Variants in HMOX2 observed in about 807,000 individuals in gnomAD.
The protein encoded by HMOX2 is heme oxygenase (decycling) 2.
In HMOX2, 30 loss-of-function variants were observed where a neutral mutation model predicts 33.7. The ratio of observed to expected loss-of-function variants is 0.89; its 90% CI spans 0.67 to 1.21. HMOX2 has a LOEUF of 1.21. HMOX2 is among the 50% of genes most tolerant of loss of function. The probability of loss-of-function intolerance (pLI) is 0.00; values close to 1 mark genes in which losing one functional copy is unlikely to be tolerated. For missense variants in HMOX2, 403 were observed against 399.1 expected, an observed-to-expected ratio of 1.01 and a Z score of -0.08; for synonymous variants, 155 against 155.0, an observed-to-expected ratio of 1.00 and a Z score of 0.00.
chr16:4,492,345 A>T (rs2058325433), intron 1 of HMOX2, among the ~76,000 whole-genome samples: 1 of 151,920 alleles, frequency 6.6e-6, no homozygotes, highest in Admixed American at 6.6e-5. Flanking sequence ...AAAATTAAAT[A>T]AATAAATAAA....
At chr16:4,482,729 T>G (rs1049936207) in intron 1 of HMOX2, among the ~76,000 whole-genome samples, 2 of 152,156 alleles carry the variant, frequency 1.3e-5, no homozygotes, top group Admixed American at 1.3e-4. Flanking sequence ...CTAAAGGATA[T>G]TAAGAAGGAT....
chr16:4,494,387 C>T (rs927024868), intron 1 of HMOX2, among the ~76,000 whole-genome samples: 2 of 151,578 alleles, frequency 1.3e-5, no homozygotes, highest in African/African-American at 4.8e-5. Flanking sequence ...GCATGGTGAT[C>T]TGTTTTCTCT....
chr16:4,484,123 C>T (rs994182892), intron 1 of HMOX2, among the ~76,000 whole-genome samples: 7 of 151,680 alleles, frequency 4.6e-5, no homozygotes, highest in Non-Finnish European at 7.4e-5. Context: ...TACAGGCTCC[C>T]GCCACCATGC....
intron 1 of HMOX2, among the ~76,000 whole-genome samples, chr16:4,487,391 C>T (rs767045067): frequency 1.3e-5 from 2 of 151,924 alleles, no homozygotes; most frequent in Non-Finnish European, 2.9e-5. Context: ...ATTAGCCAGG[C>T]GTAGCCCAGC....
At position 4,483,077 on chromosome 16, in the gene HMOX2, G is replaced by C. The variant is rs556807665; in HGVS notation, c.-42+6590G>C. On this transcript the variant is annotated intron_variant, in intron 1 of 5. Transcript: ENST00000570646. ...CAGATGGAAGAGATGTATAGGGTGAGGCATGTAGGAAGAGGCATGAAGCTT... is the reference window on the plus strand; with the variant it reads ...CAGATGGAAGAGATGTATAGGGTGACGCATGTAGGAAGAGGCATGAAGCTT... Among the ~76,000 whole-genome samples the C allele has an allele frequency of 1.7e-4, 26 of 152,106 alleles. 1 individual carries two copies. The highest frequency in any genetic ancestry group is 8.5e-4 in the Admixed American group (13 of 15,244).
chr16:4,494,858 G>C (rs772397793), intron 1 of HMOX2, among the ~76,000 whole-genome samples: 2 of 151,842 alleles, frequency 1.3e-5, no homozygotes, highest in Non-Finnish European at 2.9e-5. Context: ...CAGCCTGCGT[G>C]AAAAAGTGAG....
At chr16:4,500,010 G>A (rs2058518641) in intron 1 of HMOX2, among the ~76,000 whole-genome samples, 1 of 152,176 alleles carries the variant, frequency 6.6e-6, no homozygotes, top group African/African-American at 2.4e-5. Context: ...CTGTGTATTT[G>A]CAACAGCTGT....
chr16:4,501,106 G>A (rs534093043), intron 1 of HMOX2, among the ~76,000 whole-genome samples: 17 of 152,170 alleles, frequency 1.1e-4, no homozygotes, highest in African/African-American at 3.1e-4. Flanking sequence ...GGTTTGCTTG[G>A]TCCAATTCCT....
In HMOX2 at chr16:4,492,205, G is replaced by A. The variant is rs182712038; in HGVS notation, c.-41-13279G>A. On this transcript the variant is annotated intron_variant, in intron 1 of 5. Transcript: ENST00000570646. Reference sequence around the variant, plus strand: ...CTTTTTAAAATTAGCATAGTGGTGCGCACATGTAGTCCTAGCTACTTGGAA... The same window carrying A: ...CTTTTTAAAATTAGCATAGTGGTGCACACATGTAGTCCTAGCTACTTGGAA... Among the ~76,000 whole-genome samples the A allele has an allele frequency of 1.7e-4, 26 of 151,946 alleles. 1 individual carries two copies. The highest frequency in any genetic ancestry group is 5.8e-4 in the African/African-American group (24 of 41,450).
chr16:4,501,676 T>C (rs1014515537), intron 1 of HMOX2, among the ~76,000 whole-genome samples: 12 of 152,192 alleles, frequency 7.9e-5, no homozygotes, highest in African/African-American at 2.9e-4. Flanking sequence ...TTCTAGAGAT[T>C]CCAATGGTTC....
chr16:4,489,486 G>A (rs2058255875), intron 1 of HMOX2, among the ~76,000 whole-genome samples: 1 of 152,034 alleles, frequency 6.6e-6, no homozygotes, highest in Non-Finnish European at 1.5e-5. Context: ...TTGAAACAGA[G>A]TCCTGCTGTG....
Position 4,508,078 on chromosome 16 carries a change from G to A in HMOX2, c.570G>A (p.Glu190=). The change falls in exon 4 of 6, where the codon GAG becomes GAA. Residue 190 remains glutamate, a synonymous_variant. Transcript: ENST00000570646. ...TGEGTQFYLF[E]NVDNAQQFKQ... is the part of the protein sequence containing the mutation. ...AAGGGACCCAGTTCTACCTGTTTGA[G>A]AATGTGGACAATGCCCAGCAGTTCA... is the stretch of plus-strand genomic sequence containing the variant. The A allele has an allele frequency of 6.2e-7, 1 of 1,614,178 alleles. No homozygotes were observed. The highest frequency in any genetic ancestry group is 8.5e-7 in the Non-Finnish European group (1 of 1,180,026).
At chr16:4,496,938 C>A (rs563794300) in intron 1 of HMOX2, among the ~76,000 whole-genome samples, 1 of 151,406 alleles carries the variant, frequency 6.6e-6, no homozygotes, top group Non-Finnish European at 1.5e-5. Flanking sequence ...CTCAAGTGAT[C>A]CTTCAGCCTC....
At chr16:4,500,063 T>G (rs912830774) in intron 1 of HMOX2, among the ~76,000 whole-genome samples, 2 of 152,194 alleles carry the variant, frequency 1.3e-5, no homozygotes, top group Non-Finnish European at 2.9e-5. Flanking sequence ...CTATAAGTCA[T>G]ATTGGACCCT....
intron 1 of HMOX2, among the ~76,000 whole-genome samples, chr16:4,487,219 G>C (rs191808669): frequency 2.0e-5 from 3 of 151,794 alleles, no homozygotes; most frequent in Non-Finnish European, 4.4e-5. Flanking sequence ...GATTGACCCA[G>C]TGCACTTCAG....
chr16:4,507,913 G>A lies in HMOX2; in HGVS notation c.405G>A (p.Val135=). 6.2e-7 allele frequency: 1 copy of A among 1,614,094 alleles called. No homozygotes were observed. The highest frequency in any genetic ancestry group is 8.5e-7 in the Non-Finnish European group (1 of 1,179,998). Residue 135 remains valine (V), a synonymous_variant, in exon 4 of 6, where the codon GTG becomes GTA. Coordinates refer to ENST00000570646, the MANE Select transcript of HMOX2 (RefSeq NM_002134.4). ...VQCPKAAQKY[V]ERIHYIGQNE... is the part of the protein sequence containing the mutation. ...GCCCCAAGGCTGCCCAGAAGTACGT[G>A]GAGCGGATCCACTACATAGGGCAGA...
rs149425592 is a variant in HMOX2, at chr16:4,490,959, A to C, written c.-42+14472A>C. On this transcript the variant is annotated intron_variant, in intron 1 of 5. Coordinates refer to ENST00000570646, the MANE Select transcript of HMOX2 (RefSeq NM_002134.4). Reference sequence around the variant, plus strand: ...GTGCGTGCAAGCACATTTGTGCGCTATAGGACATTGAGTAGTATCCCTGAC... The same window carrying C: ...GTGCGTGCAAGCACATTTGTGCGCTCTAGGACATTGAGTAGTATCCCTGAC... 3.0e-3 allele frequency among the ~76,000 whole-genome samples: 457 copies of C among 152,242 alleles called. 5 individuals are homozygous for C. Among genetic ancestry groups the C allele is most frequent in the African/African-American group, 0.01 (436 of 41,544 alleles).
Position 4,507,780 on chromosome 16 carries a change from A to G in HMOX2, c.272A>G (p.His91Arg). 6.2e-7 allele frequency: 1 copy of G among 1,614,186 alleles called. No homozygotes were observed. The highest frequency in any genetic ancestry group is 8.5e-7 in the Non-Finnish European group (1 of 1,180,030). Residue 91 changes from histidine to arginine, a missense_variant, in exon 4 of 6, where the codon CAT becomes CGT. Transcript: ENST00000570646. ...GAGGAAATGGAGCGCAACAAGGACC[A>G]TCCAGCCTTTGCCCCTTTGTACTTC... Reference protein sequence around the residue: ...LEEEMERNKDHPAFAPLYFPM... With the variant: ...LEEEMERNKDRPAFAPLYFPM...
chr16:4,480,805 A>T (rs7195361), intron 1 of HMOX2, among the ~76,000 whole-genome samples: 82,470 of 149,254 alleles, frequency 0.55, 26,003 homozygotes, highest in Non-Finnish European at 0.71. Context: ...GGCGTCTGCC[A>T]CCACGCCTGG....
Sources: allele counts gnomAD v4.1 joint callset (sites outside exome capture counted in the v4.1 genomes callset), GRCh38; gene constraint gnomAD v4.1.1; transcripts MANE v1.5; gene names NCBI Gene and HGNC (gene_info 2026-07-23, HGNC 2026-07-21).